The following CXADR variants were observed in gnomAD, a reference collection of about 807,000 sequenced individuals.
CXADR encodes the protein CXADR cell adhesion molecule.
A neutral mutation model predicts 40.3 loss-of-function variants in CXADR; 20 were observed. That is an observed-to-expected ratio of 0.50 (90% CI 0.35 to 0.72). CXADR has a LOEUF of 0.72. CXADR is among the 30% of genes least tolerant of loss of function. The pLI, the probability that CXADR is intolerant of heterozygous loss-of-function variation, is 0.01. For missense variants in CXADR, 332 were observed against 449.1 expected, an observed-to-expected ratio of 0.74 and a Z score of 2.36; for synonymous variants, 150 against 161.3, an observed-to-expected ratio of 0.93 and a Z score of 0.53.
intron 1 of CXADR, among the ~76,000 whole-genome samples, chr21:17,544,295 A>G (rs76456485): frequency 0.033 from 5,084 of 152,280 alleles, 145 homozygotes; most frequent in East Asian, 0.16. Flanking sequence ...TATGTACATA[A>G]ATACCAAATC....
chr21:17,536,479 G>A (rs1465641112), intron 1 of CXADR, among the ~76,000 whole-genome samples: 2 of 151,954 alleles, frequency 1.3e-5, no homozygotes, highest in Non-Finnish European at 2.9e-5. Flanking sequence ...TCCCATCACC[G>A]GTCTGCCTTC....
chr21:17,608,750 C>T, the CXADR span: 1 of 426,744 alleles, frequency 2.3e-6, no homozygotes, highest in African/African-American at 2.0e-5. Context: ...ACTCCTTTGA[C>T]CCCATAGCAT....
rs1412146872 is a variant in CXADR at position 17,565,624 on chromosome 21, A to G, written c.1030A>G (p.Asn344Asp). ...TLPPAKVAAP[N>D]LSRMGAIPVM... The stretch of plus-strand genomic sequence containing the variant: ...CCCACCTGCTAAGGTAGCTGCCCCT[A>G]ATCTAAGTCGAATGGGTGCGATTCC... Residue 344 changes from asparagine to aspartate, a missense_variant, in exon 7 of 7, where the codon AAT becomes GAT. This residue lies in a region of CXADR where 150 missense variants were observed against 194.2 expected (regional missense o/e 0.77). Transcript: ENST00000284878. 2 of 1,612,458 alleles carry G rather than the reference A, an allele frequency of 1.2e-6. No individual in the cohort carries two copies. The highest frequency in any genetic ancestry group is 1.7e-6 in the Non-Finnish European group (2 of 1,179,820).
chr21:17,563,368 C>T (rs1226979508), intron 6 of CXADR, among the ~76,000 whole-genome samples: 1 of 150,628 alleles, frequency 6.6e-6, no homozygotes, highest in African/African-American at 2.4e-5. Flanking sequence ...ATTAAGTGGC[C>T]TAATTTCAAT....
At chr21:17,519,549 G>A (rs1450586937) in intron 1 of CXADR, among the ~76,000 whole-genome samples, 1 of 152,128 alleles carries the variant, frequency 6.6e-6, no homozygotes, top group Admixed American at 6.6e-5. Context: ...GTGCCAAATT[G>A]GTTTATCTCT....
In CXADR at chr21:17,565,601, C is replaced by T. The variant is rs752212364; in HGVS notation, c.1007C>T (p.Pro336Leu). 6.2e-6 allele frequency: 10 copies of T among 1,612,980 alleles called. No individual in the cohort carries two copies. The African/African-American group carries it at 9.3e-5, about 15-fold the overall frequency. Reference sequence around the variant, plus strand: ...CGCACTCCTCAGAGTCCGACTCTCCCACCTGCTAAGGTAGCTGCCCCTAAT... The same window carrying T: ...CGCACTCCTCAGAGTCCGACTCTCCTACCTGCTAAGGTAGCTGCCCCTAAT... ...FERTPQSPTLPPAKVAAPNLS... is the reference protein window; with the variant it reads ...FERTPQSPTLLPAKVAAPNLS... The change falls in exon 7 of 7, where the codon CCA (proline) becomes CTA (leucine). Residue 336 changes from proline (P) to leucine (L), a missense_variant. By Grantham distance (98) the Pro-to-Leu change is moderately conservative. Coordinates refer to ENST00000284878, the MANE Select transcript of CXADR (RefSeq NM_001338.5).
At chr21:17,616,335 CTTT>C in the CXADR span, among the ~76,000 whole-genome samples, 3 of 122,870 alleles carry the variant, frequency 2.4e-5, no homozygotes, top group African/African-American at 3.1e-5. Flanking sequence ...ATACAAAAGT[CTTT>C]TTTTTTTTTT....
At chr21:17,549,999 A>G (rs551964418) in intron 2 of CXADR, among the ~76,000 whole-genome samples, 22 of 152,342 alleles carry the variant, frequency 1.4e-4, no homozygotes, top group Admixed American at 1.2e-3. Context: ...CCCGTCAACT[A>G]CTTCTTTTAT....
rs375790268 is a variant in CXADR, at chr21:17,565,700, A to G, written c.*8A>G. On this transcript the variant is annotated 3_prime_UTR_variant, in exon 7 of 7. Transcript: ENST00000284878. The stretch of plus-strand genomic sequence containing the variant: ...GATGGGTCTATAGTATAGAGCCTCC[A>G]TATGTCTCATCTGTGCTCTCCGTGT... 69 of 1,610,482 alleles carry G rather than the reference A, an allele frequency of 4.3e-5. No homozygotes were observed. Among genetic ancestry groups the G allele is most frequent in the East Asian group, 2.7e-4 (12 of 44,852 alleles).
intron 7 of CXADR, among the ~76,000 whole-genome samples, chr21:17,586,222 ATTTAC>A (rs1338669242): frequency 1.3e-5 from 2 of 151,922 alleles, no homozygotes; most frequent in East Asian, 3.9e-4. Flanking sequence ...TTACTAAATG[ATTTAC>A]TTTAATTATA....
At chr21:17,626,428 C>G in the CXADR span, among the ~76,000 whole-genome samples, 1 of 152,074 alleles carries the variant, frequency 6.6e-6, no homozygotes, top group Non-Finnish European at 1.5e-5. Context: ...ATTACTCAAT[C>G]AGAATTAGAA....
the CXADR span, among the ~76,000 whole-genome samples, chr21:17,599,666 G>A: frequency 6.6e-6 from 1 of 152,064 alleles, no homozygotes; most frequent in African/African-American, 2.4e-5. Context: ...TTTTAGTAGA[G>A]ATGAGGTTTC....
downstream of CXADR, among the ~76,000 whole-genome samples, chr21:17,595,732 A>G (rs966897842): frequency 2.0e-5 from 3 of 152,050 alleles, no homozygotes; most frequent in African/African-American, 7.2e-5. Context: ...GCTGCAATGA[A>G]TAACAGCACA....
chr21:17,608,373 C>CAAA, the CXADR span, among the ~76,000 whole-genome samples: 1 of 137,164 alleles, frequency 7.3e-6, no homozygotes, highest in African/African-American at 2.7e-5. Flanking sequence ...AACAATACCA[C>CAAA]AAAAAAAAAA....
At chr21:17,606,192 G>A in the CXADR span, among the ~76,000 whole-genome samples, 5 of 152,112 alleles carry the variant, frequency 3.3e-5, no homozygotes, top group East Asian at 1.9e-4. Context: ...TGATCATCCT[G>A]TGAGTTAGAT....
chr21:17,518,308 A>C (rs79018086), intron 1 of CXADR, among the ~76,000 whole-genome samples: 3 of 152,198 alleles, frequency 2.0e-5, no homozygotes, highest in Admixed American at 6.5e-5. Context: ...AACACCCTCA[A>C]ACTGCACCAA....
intron 7 of CXADR, among the ~76,000 whole-genome samples, chr21:17,587,228 A>T (rs1164931512): frequency 6.6e-6 from 1 of 152,160 alleles, no homozygotes; most frequent in Non-Finnish European, 1.5e-5. Context: ...TAGCAGCATG[A>T]TTTATAATCC....
At chr21:17,513,736 TG>T (rs1222076737) in intron 1 of CXADR, among the ~76,000 whole-genome samples, 1 of 152,160 alleles carries the variant, frequency 6.6e-6, no homozygotes, top group Non-Finnish European at 1.5e-5. Context: ...GTTAGTCTCC[TG>T]GAAGCAGCTC....
chr21:17,540,190 A>G (rs1437702100), intron 1 of CXADR, among the ~76,000 whole-genome samples: 1 of 152,026 alleles, frequency 6.6e-6, no homozygotes, highest in Non-Finnish European at 1.5e-5. Context: ...TCTGGGCTCT[A>G]TGCTATGGCC....
Sources: gnomAD v4.1 joint callset for allele counts (sites outside exome capture counted in the v4.1 genomes callset) on GRCh38, gnomAD v4.1.1 for gene constraint, gnomAD v4.1.1 regional missense constraint, MANE v1.5 for transcripts, NCBI Gene and HGNC (gene_info 2026-07-23, HGNC 2026-07-21) for gene names.